Variants in GRIP1 observed in about 807,000 individuals in gnomAD.
GRIP1 encodes the protein glutamate receptor-interacting protein 1.
A neutral mutation model predicts 129.9 loss-of-function variants in GRIP1; 45 were observed. The observed-to-expected ratio is 0.35, with a 90% CI of 0.27 to 0.44. The LOEUF is 0.44. Ranked by LOEUF, GRIP1 falls within the 20% of genes least tolerant of loss-of-function variation. The pLI, the probability that GRIP1 is intolerant of heterozygous loss-of-function variation, is 1.00. For synonymous variants in GRIP1, 530 were observed against 520.8 expected (o/e 1.02, Z -0.24); for missense variants, 1,196 against 1,396.8 (o/e 0.86, Z 2.29).
intron 23 of GRIP1, among the ~76,000 whole-genome samples, chr12:66,361,500 C>T (rs2054765047): frequency 6.6e-6 from 1 of 152,238 alleles, no homozygotes; most frequent in African/African-American, 2.4e-5. Context: ...CACCTTCACA[C>T]ATCTACTGGT....
intron 1 of GRIP1, among the ~76,000 whole-genome samples, chr12:66,698,839 G>A (rs2035253473): frequency 6.6e-6 from 1 of 152,098 alleles, no homozygotes; most frequent in Non-Finnish European, 1.5e-5. Flanking sequence ...ACTTTTTAAA[G>A]CACAGTTTCT....
intron 14 of GRIP1, 86 bp from the exon 15 acceptor site, chr12:66,420,875 A>G (rs2057782096): frequency 6.3e-6 from 5 of 797,780 alleles, no homozygotes; most frequent in Admixed American, 1.8e-5. Flanking sequence ...TAATAACTTA[A>G]TGCAAGTAAT....
At chr12:66,791,136 G>GCAT (rs1158561462) in intron 1 of GRIP1, among the ~76,000 whole-genome samples, 2 of 152,204 alleles carry the variant, frequency 1.3e-5, no homozygotes, top group African/African-American at 2.4e-5. Context: ...GGGCCACAAG[G>GCAT]CATCGCTCAA....
intron 7 of GRIP1, among the ~76,000 whole-genome samples, chr12:66,486,469 C>G (rs1028399512): frequency 6.6e-6 from 1 of 152,066 alleles, no homozygotes; most frequent in African/African-American, 2.4e-5. Context: ...GTGGGAGGAA[C>G]CTGGTGGGAG....
intron 1 of GRIP1, among the ~76,000 whole-genome samples, chr12:66,636,112 C>T (rs986508030): frequency 7.9e-5 from 12 of 152,100 alleles, no homozygotes; most frequent in African/African-American, 2.9e-4. Context: ...CATGCTATAA[C>T]ATAAACTTTG....
Position 66,565,692 on chromosome 12 carries a change from T to C in GRIP1, c.137-23742A>G, listed in dbSNP as rs556971333. ...CATTGGTAGCTTGATGGGGATGGCA[T>C]TGAATCTATAAGTTACCTTGGGCAG... On this transcript the variant is annotated intron_variant, in intron 2 of 24. Transcript: ENST00000359742. Among the ~76,000 whole-genome samples, 3 of 152,348 alleles carry C rather than the reference T, an allele frequency of 2.0e-5. No individual in the cohort carries two copies. The East Asian group carries it at 5.8e-4, about 29-fold the overall frequency.
intron 2 of GRIP1, among the ~76,000 whole-genome samples, chr12:66,587,942 G>A (rs2063703900): frequency 6.6e-6 from 1 of 152,060 alleles, no homozygotes; most frequent in African/African-American, 2.4e-5. Context: ...CCCAGTAATA[G>A]GTTTTAGAAA....
At chr12:66,699,133 G>A (rs535748700) in intron 1 of GRIP1, among the ~76,000 whole-genome samples, 1 of 152,266 alleles carries the variant, frequency 6.6e-6, no homozygotes, top group East Asian at 1.9e-4. Flanking sequence ...TTCCCTTGGA[G>A]TACTGGATAC....
intron 1 of GRIP1, among the ~76,000 whole-genome samples, chr12:66,820,674 CA>C (rs35956015): frequency 2.0e-5 from 3 of 150,244 alleles, no homozygotes; most frequent in African/African-American, 4.9e-5. Context: ...TATTTAGCAC[CA>C]AAAAAAATGA....
At chr12:66,391,912 T>C (rs1239157348) in intron 19 of GRIP1, among the ~76,000 whole-genome samples, 1 of 152,004 alleles carries the variant, frequency 6.6e-6, no homozygotes, top group Non-Finnish European at 1.5e-5. Context: ...CATTGGCTAA[T>C]CTCTTATGCA....
intron 1 of GRIP1, among the ~76,000 whole-genome samples, chr12:67,059,963 GGA>G (rs965856132): frequency 1.3e-5 from 2 of 152,118 alleles, no homozygotes; most frequent in Admixed American, 1.3e-4. Flanking sequence ...TCATTGAAGA[GGA>G]CAAGAACAGA....
At chr12:66,401,609 T>TATATATATATATAC (rs1169241331) in intron 16 of GRIP1, among the ~76,000 whole-genome samples, 2,554 of 109,956 alleles carry the variant, frequency 0.023, 54 homozygotes, top group East Asian at 0.045. Flanking sequence ...TATATATATA[T>TATATATATATATAC]ACACACACAC....
At chr12:67,017,149 C>G (rs2065402571) in intron 1 of GRIP1, among the ~76,000 whole-genome samples, 1 of 152,068 alleles carries the variant, frequency 6.6e-6, no homozygotes, top group Admixed American at 6.6e-5. Flanking sequence ...ACTCAAAATA[C>G]TAGGAAGAAT....
intron 19 of GRIP1, among the ~76,000 whole-genome samples, chr12:66,391,145 T>C (rs1426860278): frequency 6.6e-6 from 1 of 152,182 alleles, no homozygotes; most frequent in Non-Finnish European, 1.5e-5. Flanking sequence ...GCAAACTGGA[T>C]ACAGACACTC....
intron 3 of GRIP1, among the ~76,000 whole-genome samples, chr12:66,539,578 T>C (rs1447109846): frequency 1.5e-5 from 2 of 136,180 alleles, no homozygotes; most frequent in Non-Finnish European, 3.1e-5. Flanking sequence ...TTCAGTTCTT[T>C]GCCCTAAACC....
intron 7 of GRIP1, among the ~76,000 whole-genome samples, chr12:66,480,261 C>G (rs1228485236): frequency 6.6e-6 from 1 of 152,096 alleles, no homozygotes; most frequent in Admixed American, 6.6e-5. Flanking sequence ...AACAAGCATT[C>G]CTATACACCA....
chr12:66,777,039 T>A (rs2038004301), intron 1 of GRIP1, among the ~76,000 whole-genome samples: 1 of 152,146 alleles, frequency 6.6e-6, no homozygotes, highest in Non-Finnish European at 1.5e-5. Flanking sequence ...AACCTAAGTA[T>A]CCATCTCAAG....
intron 1 of GRIP1, among the ~76,000 whole-genome samples, chr12:66,703,432 G>C (rs910756448): frequency 6.6e-6 from 1 of 152,130 alleles, no homozygotes; most frequent in African/African-American, 2.4e-5. Flanking sequence ...TGTGGAGGAT[G>C]CATGGGAGAG....
At chr12:66,432,886 C>T (rs901942646) in intron 13 of GRIP1, among the ~76,000 whole-genome samples, 11 of 152,178 alleles carry the variant, frequency 7.2e-5, no homozygotes, top group African/African-American at 2.2e-4. Context: ...GCACCATCTA[C>T]ATCAAATTTA....
Sources: gnomAD v4.1 joint callset for allele counts (sites outside exome capture counted in the v4.1 genomes callset) on GRCh38, gnomAD v4.1.1 for gene constraint, MANE v1.5 for transcripts, NCBI Gene and HGNC (gene_info 2026-07-23, HGNC 2026-07-21) for gene names.